DNAJC22: variants seen among roughly 807,000 people sequenced by gnomAD.
DNAJC22 encodes the protein dnaJ homolog subfamily C member 22.
A neutral mutation model predicts 22.2 loss-of-function variants in DNAJC22; 24 were observed. The ratio of observed to expected loss-of-function variants is 1.08; its 90% CI spans 0.78 to 1.52. DNAJC22 has a LOEUF of 1.52. DNAJC22 is among the 40% of genes most tolerant of loss of function. The probability of loss-of-function intolerance (pLI) is 0.00; values close to 1 mark genes in which losing one functional copy is unlikely to be tolerated. For missense variants in DNAJC22, 434 were observed against 421.7 expected (o/e 1.03, Z -0.26); for synonymous variants, 160 against 167.4 (o/e 0.96, Z 0.34).
In DNAJC22 at chr12:49,347,417, G is replaced by C. The variant is rs964504301; in HGVS notation, c.-704G>C. ...CGGTGAGGCAAGCAAGCCCTGTGGG[G>C]GGTTGAGGACAGCTTGGGTTGGATG... On this transcript the variant is annotated 5_prime_UTR_variant, in exon 1 of 4. Transcript: ENST00000549441. 6 of 152,458 alleles carry C rather than the reference G, an allele frequency of 3.9e-5. No homozygotes were observed. The highest frequency in any genetic ancestry group is 1.2e-4 in the African/African-American group (5 of 41,480). The allele number at this position is 152,458 out of a possible 1,614,324, so 9.4% of individuals were successfully genotyped here. A position where few individuals can be genotyped will look rare whatever the true frequency, so the allele number is the denominator to read the frequency against.
rs146774114 is a variant in DNAJC22 at position 49,349,359 on chromosome 12, G to A, written c.487G>A (p.Ala163Thr). Reference sequence around the variant, plus strand: ...CATTAGCGTGGCCGCCAGCATTACAGCTCAGAGGCATCGCCGCTACAAAGC... The same window carrying A: ...CATTAGCGTGGCCGCCAGCATTACAACTCAGAGGCATCGCCGCTACAAAGC... ...LPISVAASIT[A>T]QRHRRYKALV... The change falls in exon 3 of 4, where the codon GCT (alanine) becomes ACT (threonine). Residue 163 changes from alanine (A) to threonine (T), a missense_variant. Coordinates refer to ENST00000549441, the MANE Select transcript of DNAJC22 (RefSeq NM_001304944.2). 0.014 allele frequency: 22,580 copies of A among 1,607,118 alleles called. 246 individuals carry two copies. Among genetic ancestry groups the A allele is most frequent in the Middle Eastern group, 0.034 (203 of 6,026 alleles).
At position 49,349,441 on chromosome 12, in the gene DNAJC22, T is replaced by C. The variant is rs1042515103; in HGVS notation, c.569T>C (p.Leu190Pro). Residue 190 changes from leucine to proline, a missense_variant, in exon 3 of 4, where the codon CTT becomes CCT. Physicochemically the swap from Leu to Pro is moderately conservative, Grantham distance 98. Coordinates refer to ENST00000549441, the MANE Select transcript of DNAJC22 (RefSeq NM_001304944.2). Reference sequence around the variant, plus strand: ...CTCTATCGTCTGGGCTTGGCTTACCTTGCTTTCACAGGCCCACTGGCATAC... The same window carrying C: ...CTCTATCGTCTGGGCTTGGCTTACCCTGCTTTCACAGGCCCACTGGCATAC... ...VRLYRLGLAY[L>P]AFTGPLAYSA... The C allele has an allele frequency of 3.7e-6, 6 of 1,613,870 alleles. No homozygotes were observed. The African/African-American group carries it at 6.7e-5, about 18-fold the overall frequency.
chr12:49,347,567 C>G lies in DNAJC22; in HGVS notation c.-570+16C>G, dbSNP rs1280982001. 6 of 152,404 alleles carry G rather than the reference C, an allele frequency of 3.9e-5. No homozygotes were observed. The highest frequency in any genetic ancestry group is 1.2e-4 in the African/African-American group (5 of 41,462). The allele number at this position is 152,404 out of a possible 1,614,324, so 9.4% of individuals were successfully genotyped here. On this transcript the variant is annotated intron_variant, in intron 1 of 3. Transcript: ENST00000549441. ...GCAGCTTGAGGTGAGGGAGGAGTCA[C>G]CTTTCAATTTGTGGGGGTGGGAGGA...
rs1943801299 is a variant in DNAJC22, at chr12:49,353,089, A to G, written c.*1587A>G. 1.3e-5 allele frequency: 2 copies of G among 152,196 alleles called. No individual in the cohort carries two copies. The allele number at this position is 152,196 out of a possible 1,614,324, so 9.4% of individuals were successfully genotyped here. A position where few individuals can be genotyped will look rare whatever the true frequency, so the allele number is the denominator to read the frequency against. On this transcript the variant is annotated 3_prime_UTR_variant, in exon 4 of 4. Coordinates refer to ENST00000549441, the MANE Select transcript of DNAJC22 (RefSeq NM_001304944.2). Reference sequence around the variant, plus strand: ...AGAAAGATTCATTATTTTATATGTCATATGTCCCTTTGGGGACTTTGGGAA... The same window carrying G: ...AGAAAGATTCATTATTTTATATGTCGTATGTCCCTTTGGGGACTTTGGGAA...
rs1009687004 is a variant in DNAJC22 at position 49,351,694 on chromosome 12, G to C, written c.*192G>C. ...GGGCAGATCACGAGGTCAGGAGTTC[G>C]AGACCAGCAGCCTGGCCAATATAGT... On this transcript the variant is annotated 3_prime_UTR_variant, in exon 4 of 4. Transcript: ENST00000549441. 4.6e-6 allele frequency: 2 copies of C among 439,464 alleles called. No individual in the cohort carries two copies. The highest frequency in any genetic ancestry group is 7.7e-6 in the Non-Finnish European group (2 of 259,834). 27.2% of individuals were successfully genotyped at this position (439,464 alleles called of 1,614,324 possible). A position where few individuals can be genotyped will look rare whatever the true frequency, so the allele number is the denominator to read the frequency against.
At position 49,349,326 on chromosome 12, in the gene DNAJC22, A is replaced by G; in HGVS notation, c.454A>G (p.Ile152Val). 1 of 1,612,652 alleles carries G rather than the reference A, an allele frequency of 6.2e-7. No homozygotes were observed. Among genetic ancestry groups the G allele is most frequent in the South Asian group, 1.1e-5 (1 of 90,904 alleles). ...SPIFYGRPIAILPISVAASIT... is the reference protein window; with the variant it reads ...SPIFYGRPIAVLPISVAASIT... ...TATCTTCTATGGCCGCCCCATAGCCATACTGCCCATTAGCGTGGCCGCCAG... is the reference window on the plus strand; with the variant it reads ...TATCTTCTATGGCCGCCCCATAGCCGTACTGCCCATTAGCGTGGCCGCCAG... The change falls in exon 3 of 4, where the codon ATA (isoleucine) becomes GTA (valine). Residue 152 changes from isoleucine (I) to valine (V), a missense_variant. Coordinates refer to ENST00000549441, the MANE Select transcript of DNAJC22 (RefSeq NM_001304944.2).
Position 49,351,324 on chromosome 12 carries a change from G to A in DNAJC22, c.848G>A (p.Gly283Asp). ...ATCTTCTGTTTCCATAAGGTTTTGG[G>A]CCTCTCAGAAGGGGCAACAAATGAA... ...EKRQLAYQVL[G>D]LSEGATNEEI... The change falls in exon 4 of 4, where the codon GGC becomes GAC. Residue 283 changes from glycine to aspartate, a missense_variant. Coordinates refer to ENST00000549441, the MANE Select transcript of DNAJC22 (RefSeq NM_001304944.2). The A allele has an allele frequency of 1.2e-6, 2 of 1,613,500 alleles. No homozygotes were observed. The highest frequency in any genetic ancestry group is 1.7e-6 in the Non-Finnish European group (2 of 1,179,750).
chr12:49,349,370 T>A lies in DNAJC22; in HGVS notation c.498T>A (p.His166Gln), dbSNP rs1943746186. The change falls in exon 3 of 4, where the codon CAT becomes CAA. Residue 166 changes from histidine to glutamine, a missense_variant. Physicochemically the swap from His to Gln is conservative, Grantham distance 24. Transcript: ENST00000549441. ...SVAASITAQR[H>Q]RRYKALVASE... ...CCGCCAGCATTACAGCTCAGAGGCA[T>A]CGCCGCTACAAAGCTTTGGTGGCAT... 2 of 1,605,554 alleles carry A rather than the reference T, an allele frequency of 1.2e-6. No individual in the cohort carries two copies. Among genetic ancestry groups the A allele is most frequent in the East Asian group, 4.5e-5 (2 of 44,824 alleles).
Position 49,352,399 on chromosome 12 carries a change from C to T in DNAJC22, c.*897C>T, listed in dbSNP as rs921393952. 6.6e-6 allele frequency: 1 copy of T among 152,142 alleles called. No individual in the cohort carries two copies. Among genetic ancestry groups the T allele is most frequent in the African/African-American group, 2.4e-5 (1 of 41,418 alleles). The allele number at this position is 152,142 out of a possible 1,614,324, so 9.4% of individuals were successfully genotyped here. A position where few individuals can be genotyped will look rare whatever the true frequency, so the allele number is the denominator to read the frequency against. On this transcript the variant is annotated 3_prime_UTR_variant, in exon 4 of 4. Transcript: ENST00000549441. ...GCCATGGTGGCACATGCCTGTAGCC[C>T]CAGCTAGTCGGGAGGCTGAGGCAGG...
chr12:49,348,407 G>A (rs1244012168), intron 2 of DNAJC22, among the ~76,000 whole-genome samples: 1 of 152,190 alleles, frequency 6.6e-6, no homozygotes, highest in Non-Finnish European at 1.5e-5. Context: ...CTAAAGCCTG[G>A]GCCAGGTGTG....
rs1367193621 is a variant in DNAJC22 at position 49,352,401 on chromosome 12, A to T, written c.*899A>T. The T allele has an allele frequency of 1.3e-5, 2 of 152,242 alleles. No individual in the cohort carries two copies. The highest frequency in any genetic ancestry group is 1.5e-5 in the Non-Finnish European group (1 of 68,076). 9.4% of individuals were successfully genotyped at this position (152,242 alleles called of 1,614,324 possible). A position where few individuals can be genotyped will look rare whatever the true frequency, so the allele number is the denominator to read the frequency against. On this transcript the variant is annotated 3_prime_UTR_variant, in exon 4 of 4. Coordinates refer to ENST00000549441, the MANE Select transcript of DNAJC22 (RefSeq NM_001304944.2). ...CATGGTGGCACATGCCTGTAGCCCC[A>T]GCTAGTCGGGAGGCTGAGGCAGGAA...
Position 49,349,595 on chromosome 12 carries a change from G to T in DNAJC22, c.723G>T (p.Arg241=), listed in dbSNP as rs1347445914. ...LMEFVLLLPY[R]IWRLLMGETG... ...AGTTTGTCCTCCTTCTGCCTTACCG[G>T]ATCTGGAGGCTACTGATGGGGGAGA... Residue 241 remains arginine, a synonymous_variant, in exon 3 of 4, where the codon CGG becomes CGT. Coordinates refer to ENST00000549441, the MANE Select transcript of DNAJC22 (RefSeq NM_001304944.2). 6.2e-7 allele frequency: 1 copy of T among 1,614,244 alleles called. No individual in the cohort carries two copies. The highest frequency in any genetic ancestry group is 1.3e-5 in the African/African-American group (1 of 75,074).
rs1187869915 is a variant in DNAJC22 at position 49,348,954 on chromosome 12, G to A, written c.82G>A (p.Asp28Asn). ...GCTCCACCACCTGTACCTGGGAAGG[G>A]ACAGCCACGCCCTGCTCTGGATGCT... ...AGLHHLYLGRDSHALLWMLTL... is the reference protein window; with the variant it reads ...AGLHHLYLGRNSHALLWMLTL... Residue 28 changes from aspartate (D) to asparagine (N), a missense_variant, in exon 3 of 4, where the codon GAC becomes AAC. Coordinates refer to ENST00000549441, the MANE Select transcript of DNAJC22 (RefSeq NM_001304944.2). 1.3e-6 allele frequency: 2 copies of A among 1,529,356 alleles called. No individual in the cohort carries two copies. Among genetic ancestry groups the A allele is most frequent in the South Asian group, 1.3e-5 (1 of 75,864 alleles). The allele number at this position is 1,529,356 out of a possible 1,614,324, so 94.7% of individuals were successfully genotyped here.
rs779914710 is a variant in DNAJC22, at chr12:49,349,288, T to C, written c.416T>C (p.Phe139Ser). ...TTTAAGAACACTCTGGGGTCAGCAT[T>C]TCTCACTTCACCTATCTTCTATGGC... is the stretch of plus-strand genomic sequence containing the variant. The part of the protein sequence containing the change: ...SDFKNTLGSA[F>S]LTSPIFYGRP... Residue 139 changes from phenylalanine (F) to serine (S), a missense_variant, in exon 3 of 4, where the codon TTT becomes TCT. Coordinates refer to ENST00000549441, the MANE Select transcript of DNAJC22 (RefSeq NM_001304944.2). 6.2e-7 allele frequency: 1 copy of C among 1,614,130 alleles called. No homozygotes were observed. Among genetic ancestry groups the C allele is most frequent in the Admixed American group, 1.7e-5 (1 of 60,026 alleles).
At chr12:49,349,825 A>G in intron 3 of DNAJC22, 113 bp downstream of exon 3, 1 of 1,542,662 alleles carries the variant, frequency 6.5e-7, no homozygotes, top group African/African-American at 1.4e-5. Context: ...TTCTTTGGAT[A>G]TCTGTGTACA....
intron 3 of DNAJC22, chr12:49,351,090 C>A: frequency 1.1e-6 from 1 of 924,852 alleles, no homozygotes; most frequent in Non-Finnish European, 1.3e-6. Context: ...AGATCTAGAG[C>A]TTGTCTATGT....
rs1322871360 is a variant in DNAJC22, at chr12:49,352,526, T to TTAAA, written c.*1036_*1039dup. ...GCAGAGCTAGATTCTGTCTCAAAAATTAAATAAATAAATAAGTAAGTAAAT... is the reference window on the plus strand; with the variant it reads ...GCAGAGCTAGATTCTGTCTCAAAAATTAAATAAATAAATAAATAAGTAAGTAAAT... On this transcript the variant is annotated 3_prime_UTR_variant, in exon 4 of 4. Coordinates refer to ENST00000549441, the MANE Select transcript of DNAJC22 (RefSeq NM_001304944.2). 2 of 150,430 alleles carry TTAAA rather than the reference T, an allele frequency of 1.3e-5. No individual in the cohort carries two copies. The highest frequency in any genetic ancestry group is 1.3e-4 in the Admixed American group (2 of 15,172). The allele number at this position is 150,430 out of a possible 1,614,324, so 9.3% of individuals were successfully genotyped here. A position where few individuals can be genotyped will look rare whatever the true frequency, so the allele number is the denominator to read the frequency against.
Position 49,348,849 on chromosome 12 carries a change from G to T in DNAJC22, c.-24G>T, listed in dbSNP as rs1208394361. The stretch of plus-strand genomic sequence containing the variant: ...TTCTGTGCTGCGAGTAACCGGACTT[G>T]TTCTGAGACCTTTGCCCTAGAGGAT... On this transcript the variant is annotated 5_prime_UTR_variant, in exon 3 of 4. Coordinates refer to ENST00000549441, the MANE Select transcript of DNAJC22 (RefSeq NM_001304944.2). The T allele has an allele frequency of 2.0e-6, 3 of 1,475,370 alleles. No homozygotes were observed. Among genetic ancestry groups the T allele is most frequent in the African/African-American group, 1.4e-5 (1 of 70,668 alleles). 91.4% of individuals were successfully genotyped at this position (1,475,370 alleles called of 1,614,324 possible).
Position 49,349,692 on chromosome 12 carries a change from A to G in DNAJC22, c.820A>G (p.Lys274Glu). 1 of 1,614,152 alleles carries G rather than the reference A, an allele frequency of 6.2e-7. No individual in the cohort carries two copies. Among genetic ancestry groups the G allele is most frequent in the Non-Finnish European group, 8.5e-7 (1 of 1,180,022 alleles). The change falls in exon 3 of 4, where the codon AAG (lysine) becomes GAG (glutamate). Residue 274 changes from lysine (K) to glutamate (E), a missense_variant. By Grantham distance (56) the Lys-to-Glu change is moderately conservative. Coordinates refer to ENST00000549441, the MANE Select transcript of DNAJC22 (RefSeq NM_001304944.2). ...YEFVHSFQDE[K>E]RQLAYQVLGL... ...GTTTGTTCACAGTTTTCAGGATGAG[A>G]AGCGTCAGCTGGCTTACCAGGTAAG...
Sources: allele counts gnomAD v4.1 joint callset (sites outside exome capture counted in the v4.1 genomes callset), GRCh38; gene constraint gnomAD v4.1.1; transcripts MANE v1.5; gene names NCBI Gene and HGNC (gene_info 2026-07-23, HGNC 2026-07-21).